The following ABAT variants were observed in gnomAD, a reference collection of about 807,000 sequenced individuals.
ABAT encodes 4-aminobutyrate aminotransferase, mitochondrial.
Under a neutral mutation model 64.6 loss-of-function variants are expected in ABAT, and 45 were observed. That is an observed-to-expected ratio of 0.70 (90% CI 0.55 to 0.89). ABAT has a LOEUF of 0.89. ABAT is among the 40% of genes least tolerant of loss of function. The pLI is 0.00. For missense variants in ABAT, 633 were observed against 658.4 expected (o/e 0.96, Z 0.42); for synonymous variants, 297 against 250.5 (o/e 1.19, Z -1.75).
At chr16:8,704,607 T>C (rs1016753066) in intron 1 of ABAT, among the ~76,000 whole-genome samples, 2 of 152,254 alleles carry the variant, frequency 1.3e-5, no homozygotes, top group African/African-American at 4.8e-5. Flanking sequence ...CCTTGCTTTA[T>C]TGTGTAGCAG....
intron 1 of ABAT, among the ~76,000 whole-genome samples, chr16:8,721,236 T>C (rs2058361464): frequency 6.6e-6 from 1 of 152,120 alleles, no homozygotes; most frequent in Non-Finnish European, 1.5e-5. Context: ...CAGTTTCATA[T>C]CCAGCACCTC....
intron 1 of ABAT, chr16:8,715,633 T>TAAAAAAAAAAAAAAAAAA (rs61191788): frequency 1.2e-5 from 1 of 81,530 alleles, no homozygotes; most frequent in Non-Finnish European, 2.3e-5. Flanking sequence ...ACCCTGTCTC[T>TAAAAAAAAAAAAAAAAAA]AAAAAAAAAA....
At chr16:8,684,472 C>G (rs1448812667) in intron 1 of ABAT, among the ~76,000 whole-genome samples, 1 of 152,130 alleles carries the variant, frequency 6.6e-6, no homozygotes, top group East Asian at 1.9e-4. Context: ...ACTCAGGAAG[C>G]TGAGGCAGGA....
At chr16:8,750,678 A>G (rs2059454998) in intron 5 of ABAT, 139 bp downstream of exon 5, 1 of 799,162 alleles carries the variant, frequency 1.3e-6, no homozygotes, top group South Asian at 1.4e-5. Flanking sequence ...GGTAGGAAAA[A>G]AATAAATAAT....
At chr16:8,726,778 T>G (rs928377325) in intron 1 of ABAT, among the ~76,000 whole-genome samples, 6 of 152,184 alleles carry the variant, frequency 3.9e-5, no homozygotes, top group Non-Finnish European at 8.8e-5. Context: ...CTGTTCTCCA[T>G]AGTGGTTGTA....
At chr16:8,683,291 T>G (rs962636955) in intron 1 of ABAT, 7 of 153,494 alleles carry the variant, frequency 4.6e-5, no homozygotes, top group African/African-American at 1.7e-4. Flanking sequence ...TCCCAGCTAC[T>G]CGGGAGGCTG....
At chr16:8,722,955 C>G (rs1273396) in intron 1 of ABAT, 78,268 of 1,025,772 alleles carry the variant, frequency 0.076, 3,469 homozygotes, top group South Asian at 0.098. Context: ...ACAATGTGAT[C>G]CAGCCAGGCA....
At position 8,764,509 on chromosome 16, in the gene ABAT, T is replaced by G. The variant is rs1233222863; in HGVS notation, c.448-229T>G. Among the ~76,000 whole-genome samples the G allele has an allele frequency of 1.3e-5, 2 of 151,900 alleles. No homozygotes were observed. The highest frequency in any genetic ancestry group is 2.9e-5 in the Non-Finnish European group (2 of 67,964). ...TAGACAGTGGCAGGTGCATCAGGAG[T>G]GGGCTTTTGCCCCCCTTCTTTCCTC... On this transcript the variant is annotated intron_variant, in intron 7 of 15. Coordinates refer to ENST00000268251, the MANE Select transcript of ABAT (RefSeq NM_020686.6). The surrounding 1 kb of genome is among the most constrained non-coding windows in gnomAD (Gnocchi z 4.2).
At chr16:8,742,997 C>G (rs1230770427) in intron 2 of ABAT, among the ~76,000 whole-genome samples, 3 of 121,276 alleles carry the variant, frequency 2.5e-5, no homozygotes, top group African/African-American at 9.1e-5. Flanking sequence ...ATAGCGAGAC[C>G]TCATTTCTTT....
rs2060270477 is a variant in ABAT at position 8,776,592 on chromosome 16, C to A, written c.1269+102C>A. The A allele has an allele frequency of 7.8e-7, 1 of 1,283,774 alleles. No individual in the cohort carries two copies. The highest frequency in any genetic ancestry group is 1.1e-6 in the Non-Finnish European group (1 of 913,836). The allele number at this position is 1,283,774 out of a possible 1,614,324, so 79.5% of individuals were successfully genotyped here. ...TCGGCATGGTGTTGTGCCTGCTGTT[C>A]CAGCAGTTCGTAACGGGCTGTGCTG... On this transcript the variant is annotated intron_variant, in intron 14 of 15. Transcript: ENST00000268251. This position sits in a 1 kb window ranked among gnomAD's most constrained non-coding sequence, Gnocchi z 4.4.
At chr16:8,733,320 C>T (rs369608101) in intron 1 of ABAT, among the ~76,000 whole-genome samples, 41 of 151,476 alleles carry the variant, frequency 2.7e-4, no homozygotes, top group South Asian at 1.5e-3. Context: ...GGATGGCGGC[C>T]GGGCGGAGAC....
chr16:8,755,916 A>G (rs548265689), intron 5 of ABAT, among the ~76,000 whole-genome samples: 5 of 152,126 alleles, frequency 3.3e-5, no homozygotes, highest in East Asian at 1.9e-4. Context: ...AGGCGTGGTG[A>G]TGGGCGCCTG....
At chr16:8,746,678 C>T (rs1459270016) in intron 3 of ABAT, among the ~76,000 whole-genome samples, 2 of 151,522 alleles carry the variant, frequency 1.3e-5, no homozygotes, top group South Asian at 4.2e-4. Context: ...TGCCTCTGCA[C>T]TCCAACCTGG....
intron 1 of ABAT, among the ~76,000 whole-genome samples, chr16:8,689,214 A>C (rs2057526147): frequency 1.3e-5 from 2 of 152,220 alleles, no homozygotes; most frequent in African/African-American, 4.8e-5. Context: ...TATTAGGTAG[A>C]ATCATGATTA....
chr16:8,769,977 A>T (rs986060957), intron 11 of ABAT, among the ~76,000 whole-genome samples: 49 of 152,292 alleles, frequency 3.2e-4, no homozygotes, highest in African/African-American at 9.4e-4. Flanking sequence ...CTGGGTATTC[A>T]GTGGTAAATA....
intron 1 of ABAT, among the ~76,000 whole-genome samples, chr16:8,728,880 A>G (rs1412393617): frequency 6.6e-6 from 1 of 152,158 alleles, no homozygotes; most frequent in Admixed American, 6.5e-5. Context: ...CTCAAAAACA[A>G]AGAGTTTGGT....
chr16:8,725,800 T>A (rs1000074117), intron 1 of ABAT, among the ~76,000 whole-genome samples: 1 of 152,178 alleles, frequency 6.6e-6, no homozygotes, highest in African/African-American at 2.4e-5. Context: ...TGCTTAACTT[T>A]TTGAGGAACT....
Position 8,764,126 on chromosome 16 carries a change from A to G in ABAT, c.424A>G (p.Lys142Glu), listed in dbSNP as rs779107821. ...GILPPENFVEKLRQSLLSVAP... is the reference protein window; with the variant it reads ...GILPPENFVEELRQSLLSVAP... ...CCTGCCTCCGGAGAACTTTGTGGAG[A>G]AGCTCCGGCAGTCCTTGCTCTCGGT... The change falls in exon 7 of 16, where the codon AAG becomes GAG. Residue 142 changes from lysine (K) to glutamate (E), a missense_variant. Lys to Glu is a moderately conservative substitution (Grantham distance 56). Transcript: ENST00000268251. The surrounding 1 kb of genome is among the most constrained non-coding windows in gnomAD (Gnocchi z 4.2). 6.2e-7 allele frequency: 1 copy of G among 1,613,302 alleles called. No individual in the cohort carries two copies.
At chr16:8,702,047 G>A (rs58940722) in intron 1 of ABAT, among the ~76,000 whole-genome samples, 6,257 of 152,168 alleles carry the variant, frequency 0.041, 413 homozygotes, top group African/African-American at 0.14. Flanking sequence ...GTATTGGTTC[G>A]TTCTCAAACT....
Sources: allele counts gnomAD v4.1 joint callset (sites outside exome capture counted in the v4.1 genomes callset), GRCh38; gene constraint gnomAD v4.1.1; non-coding constraint Gnocchi (gnomAD v3.1); transcripts MANE v1.5; gene names NCBI Gene and HGNC (gene_info 2026-07-23, HGNC 2026-07-21).